LRRFIP2: variants seen among roughly 807,000 people sequenced by gnomAD.
LRRFIP2 encodes the protein LRR binding FLII interacting protein 2.
In LRRFIP2, 109 loss-of-function variants were observed where a neutral mutation model predicts 125.9. That is an observed-to-expected ratio of 0.87 (90% confidence interval 0.74 to 1.01). The LOEUF is 1.01. LRRFIP2 is among the 50% of genes least tolerant of loss of function. The pLI is 0.00. For missense variants in LRRFIP2, 850 were observed against 862.3 expected (o/e 0.99, Z 0.18); for synonymous variants, 291 against 293.1 (o/e 0.99, Z 0.07).
chr3:37,155,068 C>T (rs539243468), intron 1 of LRRFIP2, among the ~76,000 whole-genome samples: 2 of 152,258 alleles, frequency 1.3e-5, no homozygotes, highest in African/African-American at 4.8e-5. Context: ...CAGTTGTTGC[C>T]ACTTGACAAA....
At chr3:37,074,049 A>G (rs1277873584) in intron 20 of LRRFIP2, among the ~76,000 whole-genome samples, 1 of 152,216 alleles carries the variant, frequency 6.6e-6, no homozygotes, top group African/African-American at 2.4e-5. Context: ...ACAAATTCTG[A>G]GTATGTTCAA....
chr3:37,142,689 G>A (rs984804377), intron 2 of LRRFIP2, among the ~76,000 whole-genome samples: 1 of 152,080 alleles, frequency 6.6e-6, no homozygotes. Context: ...ATTTGTAGCA[G>A]GTTTCTTATT....
chr3:37,127,498 TAG>T (rs2095313932), intron 4 of LRRFIP2, 130 bp downstream of exon 4: 1 of 849,152 alleles, frequency 1.2e-6, no homozygotes, highest in Admixed American at 2.1e-5. Context: ...ATAGACAGAA[TAG>T]ACACTCTGAC....
chr3:37,103,146 G>A, intron 14 of LRRFIP2, 133 bp from the exon 15 acceptor site: 1 of 585,704 alleles, frequency 1.7e-6, no homozygotes, highest in East Asian at 3.1e-5. Flanking sequence ...ATAAAATGAG[G>A]AAACTGCTGC....
At chr3:37,100,511 G>T (rs984042056) in intron 15 of LRRFIP2, among the ~76,000 whole-genome samples, 1 of 148,498 alleles carries the variant, frequency 6.7e-6, no homozygotes, top group African/African-American at 2.6e-5. Context: ...AAATAACAGG[G>T]GTTAGCCAGA....
At chr3:37,059,724 T>A (rs999552238) in intron 24 of LRRFIP2, among the ~76,000 whole-genome samples, 1 of 151,646 alleles carries the variant, frequency 6.6e-6, no homozygotes, top group African/African-American at 2.4e-5. Context: ...TAGGTGGAGG[T>A]TGCAGTGAGT....
intron 4 of LRRFIP2, 141 bp downstream of exon 4, chr3:37,127,489 T>C (rs927860328): frequency 1.0e-5 from 8 of 796,044 alleles, no homozygotes; most frequent in South Asian, 3.0e-5. Context: ...TGGTCCACTA[T>C]AGACAGAATA....
At chr3:37,141,220 T>C (rs1324860195) in intron 2 of LRRFIP2, among the ~76,000 whole-genome samples, 7 of 152,212 alleles carry the variant, frequency 4.6e-5, no homozygotes, top group African/African-American at 1.7e-4. Context: ...CACTCTCCAC[T>C]GGGTGGCTAA....
chr3:37,146,082 T>G (rs944498449), intron 2 of LRRFIP2, among the ~76,000 whole-genome samples: 3 of 152,180 alleles, frequency 2.0e-5, no homozygotes, highest in African/African-American at 7.2e-5. Flanking sequence ...AAAGTTCAAA[T>G]ACTTAGTGAC....
chr3:37,133,360 T>C (rs943960680), intron 2 of LRRFIP2, among the ~76,000 whole-genome samples: 1 of 152,366 alleles, frequency 6.6e-6, no homozygotes, highest in Non-Finnish European at 1.5e-5. Context: ...CCAATGTTCA[T>C]AGCAGCATTA....
At chr3:37,093,789 C>T (rs2093591000) in intron 17 of LRRFIP2, among the ~76,000 whole-genome samples, 1 of 152,210 alleles carries the variant, frequency 6.6e-6, no homozygotes, top group African/African-American at 2.4e-5. Context: ...TTCCAGCCTT[C>T]TCTCTTACAC....
rs1202194640 is a variant in LRRFIP2 at position 37,066,308 on chromosome 3, T to C, written c.1482A>G (p.Lys494=). 1 of 1,614,134 alleles carries C rather than the reference T, an allele frequency of 6.2e-7. No individual in the cohort carries two copies. The highest frequency in any genetic ancestry group is 8.5e-7 in the Non-Finnish European group (1 of 1,179,958). The change falls in exon 22 of 28, where the codon AAA becomes AAG. Residue 494 remains lysine (K), a synonymous_variant. Coordinates refer to ENST00000336686, the MANE Select transcript of LRRFIP2 (RefSeq NM_006309.4). ...DKKIGALEKQ[K]EYIACLRNER... ...CATTCCTAAGGCAGGCAATGTATTC[T>C]TTCTGTTTCTCTAGGGCCTGGTTTT...
intron 24 of LRRFIP2, among the ~76,000 whole-genome samples, chr3:37,061,966 A>G (rs1439070657): frequency 2.0e-5 from 3 of 152,168 alleles, no homozygotes; most frequent in Non-Finnish European, 4.4e-5. Flanking sequence ...TGGTACCACT[A>G]ATCTACAGAT....
At chr3:37,125,066 A>G (rs974005961) in intron 4 of LRRFIP2, among the ~76,000 whole-genome samples, 1 of 151,918 alleles carries the variant, frequency 6.6e-6, no homozygotes, top group Non-Finnish European at 1.5e-5. Context: ...AAAGACATGT[A>G]TTTGTTCAAA....
rs374309213 is a variant in LRRFIP2, at chr3:37,087,870, G to A, written c.1107+3597C>T. The stretch of plus-strand genomic sequence containing the variant: ...TCCCCATAGTGCTGTGATTATAGGC[G>A]TAAGCCACCGTGCCCAGCCTTGAAT... On this transcript the variant is annotated intron_variant, in intron 18 of 27. Transcript: ENST00000336686. Among the ~76,000 whole-genome samples the A allele has an allele frequency of 1.2e-3, 190 of 152,256 alleles. 8 individuals carry two copies. In the South Asian group the frequency reaches 0.037, roughly 30 times the overall value.
chr3:37,069,981 T>G (rs528689111), intron 21 of LRRFIP2, among the ~76,000 whole-genome samples: 48 of 152,278 alleles, frequency 3.2e-4, no homozygotes, highest in African/African-American at 1.1e-3. Context: ...ATCCCTTATA[T>G]TGATGGAAAT....
At chr3:37,123,269 ACCTCAGCC>A (rs1295667882) in intron 4 of LRRFIP2, among the ~76,000 whole-genome samples, 5 of 152,096 alleles carry the variant, frequency 3.3e-5, no homozygotes, top group Admixed American at 6.5e-5. Flanking sequence ...GTTCATGGCA[ACCTCAGCC>A]TCCTGGATTC....
rs536029618 is a variant in LRRFIP2 at position 37,065,959 on chromosome 3, C to T, written c.1567-17G>A. 12 of 1,614,056 alleles carry T rather than the reference C, an allele frequency of 7.4e-6. No homozygotes were observed. The highest frequency in any genetic ancestry group is 6.7e-5 in the East Asian group (3 of 44,872). On this transcript the variant is annotated splice_polypyrimidine_tract_variant and intron_variant, in intron 22 of 27. Transcript: ENST00000336686. Reference sequence around the variant, plus strand: ...GCCATGTTTCTGCAGGGGGGAAAAACCCACCATCACAAAAGGCCCGTATGG... The same window carrying T: ...GCCATGTTTCTGCAGGGGGGAAAAATCCACCATCACAAAAGGCCCGTATGG...
intron 4 of LRRFIP2, among the ~76,000 whole-genome samples, chr3:37,126,607 C>T (rs1421704229): frequency 1.3e-5 from 2 of 151,622 alleles, no homozygotes; most frequent in African/African-American, 4.8e-5. Context: ...ACCTGTAATC[C>T]CAGCACTTTG....
Sources: allele counts gnomAD v4.1 joint callset (sites outside exome capture counted in the v4.1 genomes callset), GRCh38; gene constraint gnomAD v4.1.1; transcripts MANE v1.5; gene names NCBI Gene and HGNC (gene_info 2026-07-23, HGNC 2026-07-21).